The following MAN2A1 variants were observed in gnomAD, a reference collection of about 807,000 sequenced individuals.
The protein encoded by MAN2A1 is alpha-mannosidase 2.
A neutral mutation model predicts 142.6 loss-of-function variants in MAN2A1; 76 were observed. That is an observed-to-expected ratio of 0.53 (90% CI 0.44 to 0.65). MAN2A1 has a LOEUF of 0.65. Among genes scored for constraint, MAN2A1 ranks in the 30% least tolerant of loss-of-function variants. The probability of loss-of-function intolerance (pLI) is 0.00; values close to 1 mark genes in which losing one functional copy is unlikely to be tolerated. For synonymous variants in MAN2A1, 559 were observed against 473.2 expected (o/e 1.18, Z -2.35); for missense variants, 1,311 against 1,365.1 (o/e 0.96, Z 0.62).
chr5:109,734,502 G>T (rs1386171562), intron 4 of MAN2A1, among the ~76,000 whole-genome samples: 1 of 152,046 alleles, frequency 6.6e-6, no homozygotes, highest in African/African-American at 2.4e-5. Flanking sequence ...TCTCTTGTGG[G>T]CATTTAGTGC....
At chr5:109,753,420 T>G (rs1752599905) in intron 4 of MAN2A1, among the ~76,000 whole-genome samples, 1 of 152,206 alleles carries the variant, frequency 6.6e-6, no homozygotes, top group Non-Finnish European at 1.5e-5. Flanking sequence ...CATTGTAGAT[T>G]CTTGATTTGG....
At chr5:109,718,181 A>C (rs1348648224) in intron 3 of MAN2A1, among the ~76,000 whole-genome samples, 1 of 152,234 alleles carries the variant, frequency 6.6e-6, no homozygotes, top group Non-Finnish European at 1.5e-5. Flanking sequence ...TCCATAGTGT[A>C]ATCTTCCTTG....
intron 4 of MAN2A1, among the ~76,000 whole-genome samples, chr5:109,730,691 T>A (rs1170567398): frequency 1.3e-5 from 2 of 152,242 alleles, no homozygotes; most frequent in African/African-American, 4.8e-5. Context: ...TATTAGTCCC[T>A]GTTCTAAGCA....
chr5:109,732,489 A>C (rs377094025), intron 4 of MAN2A1, among the ~76,000 whole-genome samples: 1 of 151,758 alleles, frequency 6.6e-6, no homozygotes, highest in East Asian at 1.9e-4. Flanking sequence ...GGTTTTTATG[A>C]TTTTAGGTCT....
intron 4 of MAN2A1, among the ~76,000 whole-genome samples, chr5:109,740,714 C>T (rs898962489): frequency 7.4e-6 from 1 of 134,956 alleles, no homozygotes; most frequent in African/African-American, 3.2e-5. Flanking sequence ...AGCTGTTGAC[C>T]GAATCTCTCA....
chr5:109,849,958 A>C (rs1304117137), intron 19 of MAN2A1, among the ~76,000 whole-genome samples: 1 of 152,080 alleles, frequency 6.6e-6, no homozygotes, highest in Non-Finnish European at 1.5e-5. Context: ...ACTTTTGCAC[A>C]TGGCCTGTTA....
chr5:109,811,287 G>A (rs1056261091), intron 12 of MAN2A1, among the ~76,000 whole-genome samples: 2 of 151,844 alleles, frequency 1.3e-5, no homozygotes, highest in Admixed American at 6.6e-5. Flanking sequence ...GAATTGTTTT[G>A]CCCATCTCAT....
chr5:109,865,474 CA>C, intron 21 of MAN2A1: 1 of 290,226 alleles, frequency 3.4e-6, no homozygotes, highest in South Asian at 3.8e-5. Flanking sequence ...CACATGCTCA[CA>C]TATCATCTAG....
At chr5:109,803,024 A>T (rs1365156099) in intron 12 of MAN2A1, among the ~76,000 whole-genome samples, 1 of 152,048 alleles carries the variant, frequency 6.6e-6, no homozygotes, top group East Asian at 1.9e-4. Context: ...CCAGTCTCAC[A>T]CATTGATTTT....
chr5:109,845,081 G>A (rs572490101), intron 17 of MAN2A1, among the ~76,000 whole-genome samples: 37 of 152,232 alleles, frequency 2.4e-4, no homozygotes, highest in African/African-American at 8.2e-4. Flanking sequence ...TAACTATTAC[G>A]GTAACTTTGT....
intron 4 of MAN2A1, among the ~76,000 whole-genome samples, chr5:109,749,201 C>G (rs1752484364): frequency 6.6e-6 from 1 of 152,042 alleles, no homozygotes; most frequent in Non-Finnish European, 1.5e-5. Context: ...ACAATTTCCC[C>G]ATTAGGGAGA....
At chr5:109,697,919 A>T (rs1056398774) in intron 1 of MAN2A1, among the ~76,000 whole-genome samples, 3 of 152,192 alleles carry the variant, frequency 2.0e-5, no homozygotes, top group Non-Finnish European at 2.9e-5. Flanking sequence ...TGTTTCATAG[A>T]TTTCCAGGTA....
intron 15 of MAN2A1, 132 bp downstream of exon 15, chr5:109,820,474 T>A: frequency 1.1e-6 from 1 of 893,064 alleles, no homozygotes. Context: ...GGTTGCAGTA[T>A]TATCTATCAC....
chr5:109,838,261 G>T (rs1393710955), intron 16 of MAN2A1, among the ~76,000 whole-genome samples: 8 of 152,100 alleles, frequency 5.3e-5, no homozygotes, highest in Non-Finnish European at 7.4e-5. Context: ...AAGGGGGAGA[G>T]AATTAGCAGC....
At chr5:109,771,773 A>G (rs986232584) in intron 7 of MAN2A1, among the ~76,000 whole-genome samples, 9 of 152,208 alleles carry the variant, frequency 5.9e-5, no homozygotes, top group African/African-American at 2.2e-4. Flanking sequence ...ATTTACAGGT[A>G]TTTACACTAC....
At chr5:109,748,536 T>C (rs1316836576) in intron 4 of MAN2A1, among the ~76,000 whole-genome samples, 1 of 152,066 alleles carries the variant, frequency 6.6e-6, no homozygotes. Flanking sequence ...AATAGAAAGA[T>C]AGTAGACATA....
intron 6 of MAN2A1, among the ~76,000 whole-genome samples, chr5:109,769,186 G>A (rs533346544): frequency 7.9e-5 from 12 of 152,142 alleles, no homozygotes; most frequent in Admixed American, 3.9e-4. Context: ...AGCATCTACA[G>A]TGTCACCGTT....
chr5:109,833,206 G>C (rs1240684599), intron 16 of MAN2A1, among the ~76,000 whole-genome samples: 4 of 151,530 alleles, frequency 2.6e-5, no homozygotes, highest in African/African-American at 9.7e-5. Context: ...GGGCAGAGGG[G>C]CTCCTCACAT....
intron 16 of MAN2A1, among the ~76,000 whole-genome samples, chr5:109,830,582 A>G (rs1251415971): frequency 6.6e-6 from 1 of 152,228 alleles, no homozygotes; most frequent in African/African-American, 2.4e-5. Context: ...TTATTTTCAT[A>G]AAAAGATTCA....
Sources: gnomAD v4.1 joint callset for allele counts (sites outside exome capture counted in the v4.1 genomes callset) on GRCh38, gnomAD v4.1.1 for gene constraint, MANE v1.5 for transcripts, NCBI Gene and HGNC (gene_info 2026-07-23, HGNC 2026-07-21) for gene names.